The following ANAPC1 variants were observed in gnomAD, a reference collection of about 807,000 sequenced individuals.
ANAPC1 encodes the protein anaphase promoting complex subunit 1, also known as anaphase-promoting complex subunit 1.
In ANAPC1, 36 loss-of-function variants were observed where a neutral mutation model predicts 208.0. The observed-to-expected ratio is 0.17, with a 90% CI of 0.13 to 0.23. ANAPC1 has a LOEUF of 0.23. ANAPC1 is among the 10% of genes least tolerant of loss of function. The pLI is 1.00. For synonymous variants in ANAPC1, 378 were observed against 695.2 expected (o/e 0.54, Z 7.18); for missense variants, 942 against 2,011.6 (o/e 0.47, Z 10.17).
chr2:111,864,745 G>C (rs1186121937), intron 8 of ANAPC1, 61 bp downstream of exon 8: 10 of 1,604,388 alleles, frequency 6.2e-6, no homozygotes, highest in Non-Finnish European at 8.5e-6. Context: ...TTACAGGTGT[G>C]AGCCAGTGCA....
chr2:111,867,923 T>A, intron 7 of ANAPC1, 100 bp downstream of exon 7: 1 of 666,954 alleles, frequency 1.5e-6, no homozygotes. Context: ...ATGTTTACAT[T>A]ATTTTTATAA....
chr2:111,849,708 A>T (rs1380989127), intron 14 of ANAPC1, among the ~76,000 whole-genome samples: 1 of 151,668 alleles, frequency 6.6e-6, no homozygotes, highest in African/African-American at 2.4e-5. Context: ...CTCTCATATT[A>T]ATCCCTCCTT....
intron 7 of ANAPC1, among the ~76,000 whole-genome samples, chr2:111,867,276 G>A (rs1282762284): frequency 1.3e-5 from 2 of 151,260 alleles, no homozygotes; most frequent in Non-Finnish European, 2.9e-5. Flanking sequence ...GGCAACAAGA[G>A]CAAAACTCTG....
intron 2 of ANAPC1, among the ~76,000 whole-genome samples, chr2:111,879,780 G>A (rs77738777): frequency 0.16 from 23,974 of 151,974 alleles, 1,943 homozygotes; most frequent in Admixed American, 0.19. Context: ...GCTGAGGCAG[G>A]AGAATCACTT....
intron 46 of ANAPC1, among the ~76,000 whole-genome samples, chr2:111,772,765 C>A (rs548334002): frequency 6.6e-6 from 1 of 152,130 alleles, no homozygotes; most frequent in Admixed American, 6.5e-5. Flanking sequence ...TGGTTGTCTC[C>A]CCGAAATACC....
chr2:111,803,337 CT>C (rs1678526862), intron 32 of ANAPC1, 110 bp downstream of exon 32: 2 of 216,398 alleles, frequency 9.2e-6, no homozygotes, highest in Non-Finnish European at 1.6e-5. Context: ...AAAAAATCAG[CT>C]TAATCCAGCA....
At chr2:111,827,192 T>C (rs940258551) in intron 21 of ANAPC1, among the ~76,000 whole-genome samples, 8 of 152,116 alleles carry the variant, frequency 5.3e-5, no homozygotes, top group Non-Finnish European at 1.2e-4. Flanking sequence ...AAGAAGTATC[T>C]AGTAGTACAG....
intron 13 of ANAPC1, among the ~76,000 whole-genome samples, chr2:111,853,697 A>G (rs1681537453): frequency 6.6e-6 from 1 of 151,438 alleles, no homozygotes; most frequent in Non-Finnish European, 1.5e-5. Context: ...TGGCATCTAG[A>G]AAGGTGAATC....
At chr2:111,790,840 A>G (rs1187587859) in intron 38 of ANAPC1, among the ~76,000 whole-genome samples, 1 of 152,204 alleles carries the variant, frequency 6.6e-6, no homozygotes, top group African/African-American at 2.4e-5. Context: ...ACAGTAATCA[A>G]TACAAAGCTA....
chr2:111,766,966 C>T (rs768192417), downstream of ANAPC1: 4 of 470,700 alleles, frequency 8.5e-6, no homozygotes, highest in South Asian at 6.2e-5. Flanking sequence ...GGGTTTCAAC[C>T]TGAGTCTCCT....
At chr2:111,879,465 T>G (rs1229718173) in intron 2 of ANAPC1, among the ~76,000 whole-genome samples, 2 of 152,332 alleles carry the variant, frequency 1.3e-5, no homozygotes, top group African/African-American at 2.4e-5. Context: ...CATTTGTAAC[T>G]ACATAGGCTT....
intron 27 of ANAPC1, among the ~76,000 whole-genome samples, chr2:111,818,507 CTAAA>C (rs1275759340): frequency 6.7e-6 from 1 of 149,914 alleles, no homozygotes; most frequent in Non-Finnish European, 1.5e-5. Flanking sequence ...CATTTTAAAA[CTAAA>C]TATTTTTACA....
Position 111,873,683 on chromosome 2 carries a change from G to A in ANAPC1, c.376-19C>T, listed in dbSNP as rs1682879353. 7 of 1,567,860 alleles carry A rather than the reference G, an allele frequency of 4.5e-6. No homozygotes were observed. Among genetic ancestry groups the A allele is most frequent in the Non-Finnish European group, 6.0e-6 (7 of 1,165,674 alleles). ...ACAATGCCTAAAATCAAAACAAAAT[G>A]CTTACCTAAGAAAATTATATCTAAA... On this transcript the variant is annotated intron_variant, in intron 3 of 47. Transcript: ENST00000341068.
intron 17 of ANAPC1, among the ~76,000 whole-genome samples, chr2:111,842,068 C>T (rs1417359178): frequency 6.6e-6 from 1 of 151,874 alleles, no homozygotes; most frequent in Non-Finnish European, 1.5e-5. Context: ...GTTAAAGAGT[C>T]GTGAAAAAGG....
At chr2:111,875,880 T>C (rs932743746) in intron 3 of ANAPC1, among the ~76,000 whole-genome samples, 8 of 152,192 alleles carry the variant, frequency 5.3e-5, no homozygotes, top group African/African-American at 1.9e-4. Context: ...CACCATTTTA[T>C]AACACAAATA....
chr2:111,872,848 G>C, intron 5 of ANAPC1, 136 bp from the exon 6 acceptor site: 2 of 621,408 alleles, frequency 3.2e-6, no homozygotes, highest in South Asian at 2.1e-5. Flanking sequence ...CATTAAATAC[G>C]GTATTTTCTT....
chr2:111,822,954 T>C (rs1382417243), intron 24 of ANAPC1, among the ~76,000 whole-genome samples: 4 of 149,624 alleles, frequency 2.7e-5, no homozygotes, highest in African/African-American at 7.3e-5. Context: ...AGCCAATCAA[T>C]ACTAAATGTT....
intron 21 of ANAPC1, among the ~76,000 whole-genome samples, chr2:111,827,371 A>G (rs1167854336): frequency 6.6e-6 from 1 of 152,244 alleles, no homozygotes; most frequent in African/African-American, 2.4e-5. Context: ...ACAGGCTCCC[A>G]ATAAATGTTA....
rs550422158 is a variant in ANAPC1, at chr2:111,791,332, A to G, written c.4712+1030T>C. 9.3e-3 allele frequency among the ~76,000 whole-genome samples: 1,402 copies of G among 150,244 alleles called. 15 individuals are homozygous for G. Among genetic ancestry groups the G allele is most frequent in the African/African-American group, 0.032 (1,308 of 40,684 alleles). Reference sequence around the variant, plus strand: ...ACAACTGGAACTTCACATCCTGCCCATGAGTATGTAAAATGGTACAAGTGC... The same window carrying G: ...ACAACTGGAACTTCACATCCTGCCCGTGAGTATGTAAAATGGTACAAGTGC... On this transcript the variant is annotated intron_variant, in intron 38 of 47. Coordinates refer to ENST00000341068, the MANE Select transcript of ANAPC1 (RefSeq NM_022662.4).
Sources: allele counts gnomAD v4.1 joint callset (sites outside exome capture counted in the v4.1 genomes callset), GRCh38; gene constraint gnomAD v4.1.1; transcripts MANE v1.5; gene names NCBI Gene and HGNC (gene_info 2026-07-23, HGNC 2026-07-21).